SCAF11: variants seen among roughly 807,000 people sequenced by gnomAD.
SCAF11 encodes SR-related CTD associated factor 11.
Under a neutral mutation model 140.5 loss-of-function variants are expected in SCAF11, and 47 were observed. The observed-to-expected ratio is 0.33, with a 90% CI of 0.26 to 0.43. The LOEUF is 0.43. SCAF11 is among the 20% of genes least tolerant of loss of function. The pLI is 1.00. For missense variants in SCAF11, 1,645 were observed against 1,705.1 expected (o/e 0.96, Z 0.62); for synonymous variants, 557 against 579.4 (o/e 0.96, Z 0.55).
At chr12:45,932,995 A>C in intron 9 of SCAF11, 136 bp downstream of exon 9, 1 of 585,778 alleles carries the variant, frequency 1.7e-6, no homozygotes, top group Non-Finnish European at 2.9e-6. Context: ...TGGGCATTTG[A>C]AACACCAAAG....
intron 4 of SCAF11, among the ~76,000 whole-genome samples, chr12:45,951,375 C>T (rs929704459): frequency 6.6e-5 from 10 of 152,038 alleles, no homozygotes; most frequent in Non-Finnish European, 1.5e-4. Flanking sequence ...AGCCTTAGTA[C>T]AAAACGTCCT....
chr12:45,968,296 T>TTA, intron 1 of SCAF11, among the ~76,000 whole-genome samples: 1 of 152,328 alleles, frequency 6.6e-6, no homozygotes, highest in South Asian at 2.1e-4. Context: ...CAATCTTTAA[T>TTA]GTTTCCTCCT....
chr12:45,990,637 C>G, upstream of SCAF11: 1 of 1,176,282 alleles, frequency 8.5e-7, no homozygotes, highest in Non-Finnish European at 1.1e-6. Flanking sequence ...CTCCCTCCTC[C>G]TCCCTTCCCT....
At chr12:45,966,475 A>G (rs528800998) in intron 1 of SCAF11, among the ~76,000 whole-genome samples, 1 of 152,024 alleles carries the variant, frequency 6.6e-6, no homozygotes, top group African/African-American at 2.4e-5. Context: ...TAAGTAAAAT[A>G]TCTAGTATGT....
intron 3 of SCAF11, among the ~76,000 whole-genome samples, chr12:45,958,093 T>C: frequency 6.6e-6 from 1 of 151,634 alleles, no homozygotes; most frequent in South Asian, 2.1e-4. Context: ...CCAGTAGAGA[T>C]GAGGTCTCAC....
Position 45,926,293 on chromosome 12 carries a change from T to A in SCAF11, c.3408A>T (p.Pro1136=). The change falls in exon 11 of 15, where the codon CCA becomes CCT. Residue 1136 remains proline (P), a synonymous_variant. Transcript: ENST00000369367. ...KSEQEFSFDT[P]ADRSGWTSAS... is the part of the protein sequence containing the mutation. ...CAGATGTCCATCCAGATCTATCTGC[T>A]GGTGTATCAAATGAGAACTCCTGTT... is the stretch of plus-strand genomic sequence containing the variant. The A allele has an allele frequency of 6.2e-7, 1 of 1,614,186 alleles. No individual in the cohort carries two copies. The highest frequency in any genetic ancestry group is 8.5e-7 in the Non-Finnish European group (1 of 1,180,008).
intron 3 of SCAF11, among the ~76,000 whole-genome samples, chr12:45,959,011 G>A (rs1945763110): frequency 6.6e-6 from 1 of 152,146 alleles, no homozygotes; most frequent in African/African-American, 2.4e-5. Flanking sequence ...GTAAATAAAT[G>A]AGTCCTTTTT....
chr12:45,990,420 C>T lies in SCAF11; in HGVS notation c.-89G>A, dbSNP rs1272166002. 1.6e-6 allele frequency: 2 copies of T among 1,232,082 alleles called. No individual in the cohort carries two copies. The highest frequency in any genetic ancestry group is 2.0e-6 in the Non-Finnish European group (2 of 988,438). The allele number at this position is 1,232,082 out of a possible 1,614,324, so 76.3% of individuals were successfully genotyped here. On this transcript the variant is annotated 5_prime_UTR_variant, in exon 1 of 15. Transcript: ENST00000369367. ...AGTAGGTTCCCAGGTCCCAGTCACT[C>T]CGCTGCCAAGTTCCCCAACATGGAC...
intron 1 of SCAF11, among the ~76,000 whole-genome samples, chr12:45,968,580 A>T (rs1371391000): frequency 6.6e-6 from 1 of 152,070 alleles, no homozygotes; most frequent in African/African-American, 2.4e-5. Context: ...GGAACTCAAA[A>T]CTCATTTTCC....
chr12:45,979,057 G>A (rs547775771), intron 1 of SCAF11, among the ~76,000 whole-genome samples: 16 of 151,320 alleles, frequency 1.1e-4, no homozygotes, highest in African/African-American at 3.9e-4. Flanking sequence ...ACCTGTTACT[G>A]CATCTTCAAG....
intron 1 of SCAF11, among the ~76,000 whole-genome samples, chr12:45,972,129 C>T (rs2136639335): frequency 6.6e-6 from 1 of 152,274 alleles, no homozygotes; most frequent in East Asian, 1.9e-4. Flanking sequence ...TAAACCTCCA[C>T]ACATGTCACA....
chr12:45,961,642 C>T, intron 3 of SCAF11, 58 bp downstream of exon 3: 3 of 1,399,136 alleles, frequency 2.1e-6, no homozygotes, highest in Non-Finnish European at 2.9e-6. Flanking sequence ...AGTATCAACT[C>T]TTTAGGTGAA....
intron 1 of SCAF11, among the ~76,000 whole-genome samples, chr12:45,983,218 G>C (rs1163977420): frequency 6.6e-6 from 1 of 152,134 alleles, no homozygotes; most frequent in Non-Finnish European, 1.5e-5. Context: ...GCTTAATGTA[G>C]TAGCAGAAAG....
At position 45,926,951 on chromosome 12, in the gene SCAF11, T is replaced by C. The variant is rs370078181; in HGVS notation, c.2750A>G (p.Asp917Gly). The C allele has an allele frequency of 1.2e-6, 2 of 1,612,622 alleles. No individual in the cohort carries two copies. Among genetic ancestry groups the C allele is most frequent in the Non-Finnish European group, 1.7e-6 (2 of 1,179,972 alleles). Reference protein sequence around the residue: ...SRSQSRERESDRDGQRRERER... With the variant: ...SRSQSRERESGRDGQRRERER... ...TCTCTCTCTCCTCTGCCCATCTCTA[T>C]CACTTTCTCGTTCTCTGCTCTGGGA... The change falls in exon 11 of 15, where the codon GAT becomes GGT. Residue 917 changes from aspartate (D) to glycine (G), a missense_variant. Around this residue, in one of 2 missense-constraint regions of SCAF11, gnomAD observed 1,582 missense variants for 1,609.2 expected, o/e 0.98. Transcript: ENST00000369367.
Position 45,945,234 on chromosome 12 carries a change from C to T in SCAF11, c.463+15G>A. 1.3e-6 allele frequency: 2 copies of T among 1,507,544 alleles called. No individual in the cohort carries two copies. The highest frequency in any genetic ancestry group is 1.8e-6 in the Non-Finnish European group (2 of 1,104,090). The allele number at this position is 1,507,544 out of a possible 1,614,324, so 93.4% of individuals were successfully genotyped here. A position where few individuals can be genotyped will look rare whatever the true frequency, so the allele number is the denominator to read the frequency against. ...CAAAAAAAAAGGTAGAATCCACAAG[C>T]AAAAAGTAACTTACTATGTATCCAC... On this transcript the variant is annotated intron_variant, in intron 6 of 14. Transcript: ENST00000369367.
chr12:45,991,312 C>T (rs1158991000), upstream of SCAF11, among the ~76,000 whole-genome samples: 1 of 152,204 alleles, frequency 6.6e-6, no homozygotes, highest in African/African-American at 2.4e-5. Context: ...CGCCGGTAAT[C>T]CCAGCGCTTT....
At chr12:45,965,151 A>G (rs1421343166) in intron 1 of SCAF11, among the ~76,000 whole-genome samples, 1 of 152,220 alleles carries the variant, frequency 6.6e-6, no homozygotes, top group Non-Finnish European at 1.5e-5. Context: ...AATTCTATGA[A>G]GAAGAGTGAC....
In SCAF11 at chr12:45,926,306, G is replaced by T; in HGVS notation, c.3395C>A (p.Ser1132Ter). 2 of 1,614,106 alleles carry T rather than the reference G, an allele frequency of 1.2e-6. No individual in the cohort carries two copies. Among genetic ancestry groups the T allele is most frequent in the Non-Finnish European group, 1.7e-6 (2 of 1,179,994 alleles). The change falls in exon 11 of 15, where the codon TCA becomes TAA. Residue 1132 changes from serine to a stop codon, truncating the protein, a stop_gained. Coordinates refer to ENST00000369367, the MANE Select transcript of SCAF11 (RefSeq NM_004719.3). LOFTEE classifies it high-confidence loss of function. ...SYKRKSEQEF[S>*]FDTPADRSGW... ...AGATCTATCTGCTGGTGTATCAAAT[G>T]AGAACTCCTGTTCACTTTTTCGCTT... is the stretch of plus-strand genomic sequence containing the variant.
chr12:45,947,498 T>C (rs1945450517), intron 5 of SCAF11, among the ~76,000 whole-genome samples: 1 of 152,240 alleles, frequency 6.6e-6, no homozygotes, highest in Non-Finnish European at 1.5e-5. Context: ...TGAAGGTTAA[T>C]AAACAGTTTA....
Sources: allele counts gnomAD v4.1 joint callset (sites outside exome capture counted in the v4.1 genomes callset), GRCh38; gene constraint gnomAD v4.1.1; regional missense constraint gnomAD v4.1.1; transcripts MANE v1.5; gene names NCBI Gene and HGNC (gene_info 2026-07-23, HGNC 2026-07-21).